KHDRBS2: variants seen among roughly 807,000 people sequenced by gnomAD.
KHDRBS2 encodes the protein KH RNA binding domain containing, signal transduction associated 2, also known as KH domain-containing, RNA-binding, signal transduction-associated protein 2.
Under a neutral mutation model 44.3 loss-of-function variants are expected in KHDRBS2, and 26 were observed. That is an observed-to-expected ratio of 0.59 (90% confidence interval 0.43 to 0.81). The LOEUF (loss-of-function observed/expected upper bound fraction) is 0.81, where lower values mean the gene tolerates loss of function less well. Among genes scored for constraint, KHDRBS2 ranks in the 40% least tolerant of loss-of-function variants. The probability of loss-of-function intolerance (pLI) is 0.00; values close to 1 mark genes in which losing one functional copy is unlikely to be tolerated. For synonymous variants in KHDRBS2, 194 were observed against 151.1 expected (o/e 1.28, Z -2.08); for missense variants, 476 against 433.1 (o/e 1.10, Z -0.88).
chr6:61,611,394 G>C, the KHDRBS2 span, among the ~76,000 whole-genome samples: 1 of 152,308 alleles, frequency 6.6e-6, no homozygotes, highest in South Asian at 2.1e-4. Flanking sequence ...CAAAGAAAAG[G>C]CTAAAGTAAA....
At chr6:61,566,065 CA>C in the KHDRBS2 span, among the ~76,000 whole-genome samples, 8 of 150,720 alleles carry the variant, frequency 5.3e-5, no homozygotes, top group South Asian at 2.1e-4. Flanking sequence ...TGCAGCCATA[CA>C]AAAAAAATCC....
chr6:61,555,924 C>T, the KHDRBS2 span, among the ~76,000 whole-genome samples: 3,702 of 152,288 alleles, frequency 0.024, 71 homozygotes, highest in Middle Eastern at 0.085. Flanking sequence ...GGATCACTCG[C>T]CACAACACTC....
chr6:62,146,260 T>C (rs372900010), intron 2 of KHDRBS2, among the ~76,000 whole-genome samples: 1 of 151,898 alleles, frequency 6.6e-6, no homozygotes, highest in African/African-American at 2.4e-5. Flanking sequence ...AAATCTGCTA[T>C]AGCTTTTAAA....
At chr6:62,239,001 C>T (rs1441502397) in intron 1 of KHDRBS2, among the ~76,000 whole-genome samples, 1 of 152,004 alleles carries the variant, frequency 6.6e-6, no homozygotes, top group Non-Finnish European at 1.5e-5. Flanking sequence ...AAAAAGAATT[C>T]AATGTTATGA....
chr6:61,556,190 G>T, the KHDRBS2 span, among the ~76,000 whole-genome samples: 2 of 152,122 alleles, frequency 1.3e-5, no homozygotes, highest in African/African-American at 2.4e-5. Context: ...GGGGCATGGT[G>T]CTGGCCACCT....
chr6:61,614,960 A>C, the KHDRBS2 span, among the ~76,000 whole-genome samples: 1 of 151,996 alleles, frequency 6.6e-6, no homozygotes, highest in Non-Finnish European at 1.5e-5. Context: ...TAGGCTGGGC[A>C]TGGTGGCTCA....
intron 7 of KHDRBS2, among the ~76,000 whole-genome samples, chr6:61,729,791 TTA>T (rs1455910909): frequency 6.6e-6 from 1 of 152,170 alleles, no homozygotes; most frequent in Non-Finnish European, 1.5e-5. Context: ...AAAAGGCAGG[TTA>T]TTTATCTGAT....
At chr6:61,930,546 G>GAAAAAAAAAAAAAAAAAAA (rs1439236595) in intron 4 of KHDRBS2, among the ~76,000 whole-genome samples, 9 of 47,574 alleles carry the variant, frequency 1.9e-4, no homozygotes, top group Admixed American at 3.9e-4. Flanking sequence ...AAAAAAAAAA[G>GAAAAAAAAAAAAAAAAAAA]AAAAAAAAAA....
intron 6 of KHDRBS2, among the ~76,000 whole-genome samples, chr6:61,836,942 A>C (rs942647899): frequency 1.3e-5 from 2 of 152,010 alleles, no homozygotes; most frequent in Non-Finnish European, 2.9e-5. Context: ...AATATTGGAA[A>C]ATAAATTGGT....
chr6:62,266,498 G>A (rs1161288591), intron 1 of KHDRBS2, among the ~76,000 whole-genome samples: 1 of 152,024 alleles, frequency 6.6e-6, no homozygotes, highest in East Asian at 1.9e-4. Context: ...GTGTGATTAA[G>A]CACCAGTTAC....
At chr6:61,643,809 CACAA>C in the KHDRBS2 span, among the ~76,000 whole-genome samples, 1 of 152,034 alleles carries the variant, frequency 6.6e-6, no homozygotes, top group Non-Finnish European at 1.5e-5. Context: ...TCAGAAATGA[CACAA>C]ACAAATGAAA....
chr6:62,154,976 T>C (rs901243938), intron 2 of KHDRBS2, among the ~76,000 whole-genome samples: 1 of 152,226 alleles, frequency 6.6e-6, no homozygotes, highest in Admixed American at 6.5e-5. Context: ...CAGAAAATGA[T>C]ATTATTTTAA....
At chr6:61,804,704 T>G (rs1018246006) in intron 6 of KHDRBS2, among the ~76,000 whole-genome samples, 1 of 152,202 alleles carries the variant, frequency 6.6e-6, no homozygotes, top group African/African-American at 2.4e-5. Flanking sequence ...TTCCAAAGCT[T>G]ATGGCTTGCA....
chr6:62,240,760 C>T (rs1334567604), intron 1 of KHDRBS2, among the ~76,000 whole-genome samples: 8 of 134,096 alleles, frequency 6.0e-5, no homozygotes, highest in Non-Finnish European at 7.8e-5. Flanking sequence ...AAACCTTTAC[C>T]ATGGAAATTA....
chr6:61,578,524 C>A, the KHDRBS2 span, among the ~76,000 whole-genome samples: 2 of 152,198 alleles, frequency 1.3e-5, no homozygotes, highest in Admixed American at 1.3e-4. Flanking sequence ...GTAAAATGTT[C>A]CAGATATCAT....
At chr6:61,950,290 T>C (rs1764476445) in intron 4 of KHDRBS2, among the ~76,000 whole-genome samples, 1 of 152,054 alleles carries the variant, frequency 6.6e-6, no homozygotes, top group African/African-American at 2.4e-5. Context: ...ATTCAATATA[T>C]TACTTTGGTG....
At chr6:62,034,602 T>C (rs1562689840) in intron 3 of KHDRBS2, among the ~76,000 whole-genome samples, 3 of 146,700 alleles carry the variant, frequency 2.0e-5, no homozygotes, top group African/African-American at 7.5e-5. Flanking sequence ...CATTCCTTCA[T>C]GATAAAAACA....
intron 2 of KHDRBS2, among the ~76,000 whole-genome samples, chr6:62,058,941 A>C (rs1483609819): frequency 6.6e-6 from 1 of 151,812 alleles, no homozygotes; most frequent in African/African-American, 2.4e-5. Flanking sequence ...TGTAAAATTC[A>C]TATAAAATAA....
chr6:61,551,946 G>T, the KHDRBS2 span, among the ~76,000 whole-genome samples: 1 of 151,778 alleles, frequency 6.6e-6, no homozygotes, highest in Non-Finnish European at 1.5e-5. Context: ...TTTTTGATTT[G>T]GCTCCCAACT....
Sources: allele counts gnomAD v4.1 joint callset (sites outside exome capture counted in the v4.1 genomes callset), GRCh38; gene constraint gnomAD v4.1.1; transcripts MANE v1.5; gene names NCBI Gene and HGNC (gene_info 2026-07-23, HGNC 2026-07-21).